The following TBC1D1 variants were observed in gnomAD, a reference collection of about 807,000 sequenced individuals.
The protein encoded by TBC1D1 is TBC1 (tre-2/USP6, BUB2, cdc16) domain family, member 1.
In TBC1D1, 89 loss-of-function variants were observed where a neutral mutation model predicts 125.6. The observed-to-expected ratio is 0.71, with a 90% CI of 0.60 to 0.85. The LOEUF (loss-of-function observed/expected upper bound fraction) is 0.85, where lower values mean the gene tolerates loss of function less well. Among genes scored for constraint, TBC1D1 ranks in the 40% least tolerant of loss-of-function variants. TBC1D1 has a pLI of 0.00. For synonymous variants in TBC1D1, 565 were observed against 564.1 expected (o/e 1.00, Z -0.02); for missense variants, 1,377 against 1,469.2 (o/e 0.94, Z 1.03).
rs938676245 is a variant in TBC1D1 at position 37,902,460 on chromosome 4, C to T, written c.365C>T (p.Ala122Val). 2.8e-5 allele frequency: 45 copies of T among 1,613,676 alleles called. No homozygotes were observed. The highest frequency in any genetic ancestry group is 3.7e-5 in the Non-Finnish European group (44 of 1,179,852). The change falls in exon 2 of 20, where the codon GCT becomes GTT. Residue 122 changes from alanine to valine, a missense_variant. Transcript: ENST00000261439. ...TTTGCTTGTCTGATTAAGGAAGACGCTGTCCACCGGCAGAGTATCTGCTAT... is the reference window on the plus strand; with the variant it reads ...TTTGCTTGTCTGATTAAGGAAGACGTTGTCCACCGGCAGAGTATCTGCTAT...
At chr4:37,921,408 TA>T (rs1720966848) in intron 2 of TBC1D1, among the ~76,000 whole-genome samples, 2 of 133,546 alleles carry the variant, frequency 1.5e-5, no homozygotes, top group African/African-American at 5.3e-5. Flanking sequence ...AAAATACATA[TA>T]TATAATTTTT....
At chr4:37,925,193 C>T (rs531267881) in intron 2 of TBC1D1, among the ~76,000 whole-genome samples, 1 of 152,200 alleles carries the variant, frequency 6.6e-6, no homozygotes, top group East Asian at 1.9e-4. Context: ...CCCGTGAATT[C>T]GAAGAAAGTG....
intron 18 of TBC1D1, 75 bp downstream of exon 20, chr4:38,125,206 G>T: frequency 2.8e-6 from 4 of 1,453,326 alleles, no homozygotes; most frequent in Non-Finnish European, 3.8e-6. Context: ...TCTTGAGCAG[G>T]AACTGTTTCC....
chr4:38,046,576 A>G (rs967066980), intron 10 of TBC1D1, among the ~76,000 whole-genome samples: 3 of 152,132 alleles, frequency 2.0e-5, no homozygotes, highest in African/African-American at 7.2e-5. Context: ...TAGTGTACCC[A>G]TCACCCAAAT....
intron 2 of TBC1D1, among the ~76,000 whole-genome samples, chr4:37,907,924 C>T (rs1372554894): frequency 6.6e-6 from 1 of 152,198 alleles, no homozygotes; most frequent in Non-Finnish European, 1.5e-5. Context: ...AAAGTAATTG[C>T]ATTTTCATTC....
chr4:38,052,208 T>C (rs1363857602), intron 11 of TBC1D1, 148 bp downstream of exon 12: 4 of 571,454 alleles, frequency 7.0e-6, no homozygotes, highest in Non-Finnish European at 1.2e-5. Context: ...CGCGCGTGTG[T>C]GTCTTTGTTT....
chr4:38,080,957 C>T (rs1756437227), intron 12 of TBC1D1, among the ~76,000 whole-genome samples: 1 of 152,156 alleles, frequency 6.6e-6, no homozygotes, highest in African/African-American at 2.4e-5. Context: ...ATGAAAGTGT[C>T]AGATATCTAT....
intron 2 of TBC1D1, among the ~76,000 whole-genome samples, chr4:38,004,005 C>T (rs1739585294): frequency 6.6e-6 from 1 of 152,198 alleles, no homozygotes; most frequent in African/African-American, 2.4e-5. Context: ...AATGACCCTC[C>T]AAGGTAGCTG....
chr4:38,092,878 T>TCA (rs1343969525), intron 13 of TBC1D1, among the ~76,000 whole-genome samples: 2 of 151,910 alleles, frequency 1.3e-5, no homozygotes, highest in African/African-American at 2.4e-5. Flanking sequence ...TTGGGGTGAC[T>TCA]CACACACACA....
intron 7 of TBC1D1, among the ~76,000 whole-genome samples, chr4:38,029,247 C>T (rs1377351213): frequency 6.6e-6 from 1 of 152,158 alleles, no homozygotes; most frequent in Non-Finnish European, 1.5e-5. Context: ...TTAAACAAAA[C>T]AAGACAGCTA....
At chr4:37,903,670 A>G (rs1716660459) in intron 2 of TBC1D1, among the ~76,000 whole-genome samples, 1 of 152,214 alleles carries the variant, frequency 6.6e-6, no homozygotes, top group Admixed American at 6.5e-5. Flanking sequence ...TATTCTTGGT[A>G]TCAAGTAGAT....
chr4:38,124,110 A>G (rs989237512), intron 17 of TBC1D1, among the ~76,000 whole-genome samples: 1 of 152,238 alleles, frequency 6.6e-6, no homozygotes, highest in Non-Finnish European at 1.5e-5. Context: ...TCTGATTTTT[A>G]AAATTGTTTT....
intron 2 of TBC1D1, among the ~76,000 whole-genome samples, chr4:37,947,792 A>G (rs925150516): frequency 6.6e-6 from 1 of 152,212 alleles, no homozygotes; most frequent in Non-Finnish European, 1.5e-5. Context: ...AAAGTGGCAC[A>G]AGAATTTTGG....
intron 2 of TBC1D1, among the ~76,000 whole-genome samples, chr4:37,945,510 CTCAAAAAAAAAA>C (rs1726498455): frequency 2.2e-5 from 1 of 46,128 alleles, no homozygotes; most frequent in Non-Finnish European, 3.6e-5. Context: ...GAGACTCCAC[CTCAAAAAAAAAA>C]AAAAAAAAAA....
intron 12 of TBC1D1, among the ~76,000 whole-genome samples, chr4:38,068,943 G>C (rs1156973420): frequency 2.0e-5 from 3 of 152,230 alleles, no homozygotes; most frequent in African/African-American, 7.2e-5. Flanking sequence ...TGCTTGTGTT[G>C]TACTGTCTCC....
intron 17 of TBC1D1, among the ~76,000 whole-genome samples, chr4:38,121,793 A>C (rs1008075633): frequency 6.6e-6 from 1 of 152,230 alleles, no homozygotes; most frequent in Non-Finnish European, 1.5e-5. Flanking sequence ...GGTTTGGGGC[A>C]GTGGGTTTAT....
At chr4:37,894,243 T>C (rs1714063419) in intron 1 of TBC1D1, among the ~76,000 whole-genome samples, 1 of 152,138 alleles carries the variant, frequency 6.6e-6, no homozygotes, top group African/African-American at 2.4e-5. Flanking sequence ...CGCCTTGGCC[T>C]CCCAAAGTGC....
chr4:38,132,984 G>A, intron 18 of TBC1D1, 100 bp from the exon 21 acceptor site: 6 of 971,562 alleles, frequency 6.2e-6, no homozygotes, highest in Non-Finnish European at 9.3e-6. Flanking sequence ...GCGTAGAGGA[G>A]ACGCTTCACA....
chr4:37,947,699 C>CG (rs1377752835), intron 2 of TBC1D1, among the ~76,000 whole-genome samples: 11 of 152,264 alleles, frequency 7.2e-5, no homozygotes, highest in African/African-American at 2.6e-4. Flanking sequence ...TTCTATAAAA[C>CG]TATAGAAGAC....
Sources: gnomAD v4.1 joint callset for allele counts (sites outside exome capture counted in the v4.1 genomes callset) on GRCh38, gnomAD v4.1.1 for gene constraint, MANE v1.5 for transcripts, NCBI Gene and HGNC (gene_info 2026-07-23, HGNC 2026-07-21) for gene names.